The following CACNA1E variants were observed in gnomAD, a reference collection of about 807,000 sequenced individuals.
CACNA1E encodes calcium voltage-gated channel subunit alpha1 E, also known as voltage-dependent R-type calcium channel subunit alpha-1E.
A neutral mutation model predicts 259.2 loss-of-function variants in CACNA1E; 40 were observed. The observed-to-expected ratio is 0.15, with a 90% CI of 0.12 to 0.20. The LOEUF is 0.20. CACNA1E is among the 10% of genes least tolerant of loss of function. The pLI, the probability that CACNA1E is intolerant of heterozygous loss-of-function variation, is 1.00. For missense variants in CACNA1E, 1,874 were observed against 3,040.1 expected, an observed-to-expected ratio of 0.62 and a Z score of 9.02; for synonymous variants, 1,104 against 1,138.5, an observed-to-expected ratio of 0.97 and a Z score of 0.61.
In CACNA1E at chr1:181,752,136, C is replaced by A; in HGVS notation, c.3732-7C>A. On this transcript the variant is annotated splice_region_variant and splice_polypyrimidine_tract_variant and intron_variant, in intron 26 of 47. Coordinates refer to ENST00000367573, the MANE Select transcript of CACNA1E (RefSeq NM_001205293.3). ...CATATGATTCCCTGGGGGCCTCTCC[C>A]CTGCAGAACCAACAAAGGACGGGAC... 1 of 1,606,334 alleles carries A rather than the reference C, an allele frequency of 6.2e-7. No homozygotes were observed. Among genetic ancestry groups the A allele is most frequent in the Non-Finnish European group, 8.5e-7 (1 of 1,172,868 alleles).
At chr1:181,409,155 A>G (rs1405803944) in intron 1 of CACNA1E, among the ~76,000 whole-genome samples, 2 of 152,220 alleles carry the variant, frequency 1.3e-5, no homozygotes, top group African/African-American at 4.8e-5. Flanking sequence ...TCATGCTACA[A>G]CAGCAGCGTT....
At chr1:181,435,787 C>T (rs530938250) in intron 2 of CACNA1E, among the ~76,000 whole-genome samples, 110 of 152,236 alleles carry the variant, frequency 7.2e-4, no homozygotes, top group Middle Eastern at 6.8e-3. Flanking sequence ...TGGCTTTTTT[C>T]AGCTTAATGA....
rs9662282 is a variant in CACNA1E, at chr1:181,758,880, A to C, written c.4605+12A>C. 4,994 of 1,415,596 alleles carry C rather than the reference A, an allele frequency of 3.5e-3. 89 individuals carry two copies. In the African/African-American group the frequency reaches 0.048, roughly 14 times the overall value. 87.7% of individuals were successfully genotyped at this position (1,415,596 alleles called of 1,614,324 possible). On this transcript the variant is annotated intron_variant, in intron 32 of 47. Coordinates refer to ENST00000367573, the MANE Select transcript of CACNA1E (RefSeq NM_001205293.3). The surrounding 1 kb of genome is among the most constrained non-coding windows in gnomAD (Gnocchi z 4.2). ...CTTTTGGCTTTTTGGTATGTTGCTG[A>C]ATCCTTCCCAGCACTGGGCTTGTCT...
intron 32 of CACNA1E, among the ~76,000 whole-genome samples, chr1:181,760,726 C>T (rs901671023): frequency 6.6e-6 from 1 of 152,082 alleles, no homozygotes; most frequent in Non-Finnish European, 1.5e-5. Flanking sequence ...ATACTTTGGC[C>T]AAGATTAGTA....
chr1:181,761,951 A>G (rs535307258), intron 32 of CACNA1E, among the ~76,000 whole-genome samples: 1 of 152,352 alleles, frequency 6.6e-6, no homozygotes, highest in African/African-American at 2.4e-5. Flanking sequence ...AAGAGTGGAA[A>G]GATGAAGTCT....
intron 1 of CACNA1E, among the ~76,000 whole-genome samples, chr1:181,340,767 C>T (rs1490842757): frequency 6.6e-6 from 1 of 151,964 alleles, no homozygotes; most frequent in African/African-American, 2.4e-5. Flanking sequence ...TATGAGTGTC[C>T]CTCAAGGAAA....
intron 6 of CACNA1E, among the ~76,000 whole-genome samples, chr1:181,630,457 T>A (rs900697462): frequency 6.6e-6 from 1 of 151,592 alleles, no homozygotes; most frequent in Non-Finnish European, 1.5e-5. Context: ...AGAAAACATT[T>A]GTCAATTACT....
At chr1:181,481,074 T>C (rs1159879120), upstream of CACNA1E, among the ~76,000 whole-genome samples, 3 of 152,120 alleles carry the variant, frequency 2.0e-5, no homozygotes. Context: ...TGATGGGACT[T>C]CATGGTTCAC....
chr1:181,419,530 C>T (rs968305980), intron 2 of CACNA1E, among the ~76,000 whole-genome samples: 2 of 152,154 alleles, frequency 1.3e-5, no homozygotes, highest in Non-Finnish European at 2.9e-5. Flanking sequence ...CATCATAGCC[C>T]TTATTGTTTC....
At chr1:181,582,616 G>A (rs988302364) in intron 6 of CACNA1E, among the ~76,000 whole-genome samples, 3 of 152,216 alleles carry the variant, frequency 2.0e-5, no homozygotes, top group African/African-American at 7.2e-5. Flanking sequence ...AAGGAGCACA[G>A]CTGAAGAACC....
rs182457979 is a variant in CACNA1E, at chr1:181,476,769, G to A, written c.435-6975G>A. ...AGGCCGTGGGGGTGGATGGATGGAT[G>A]TGCTCCTGCCGGTTGTTCTCACCCT... On this transcript the variant is annotated intron_variant, in intron 2 of 11. Coordinates refer to the CACNA1E transcript ENST00000524607. 2.1e-3 allele frequency among the ~76,000 whole-genome samples: 320 copies of A among 152,314 alleles called. 1 individual carries two copies. Among genetic ancestry groups the A allele is most frequent in the African/African-American group, 6.6e-3 (273 of 41,558 alleles).
chr1:181,727,769 C>A (rs761393222), intron 18 of CACNA1E, among the ~76,000 whole-genome samples: 9 of 152,146 alleles, frequency 5.9e-5, no homozygotes, highest in Non-Finnish European at 1.2e-4. Flanking sequence ...GGGTCCGAGA[C>A]CCCCAAGGGG....
intron 6 of CACNA1E, among the ~76,000 whole-genome samples, chr1:181,593,082 C>T (rs1652815960): frequency 1.3e-5 from 2 of 152,132 alleles, no homozygotes; most frequent in East Asian, 1.9e-4. Context: ...GTAATGCTGC[C>T]TGCTGTTTCT....
At chr1:181,589,063 T>G (rs922103931) in intron 6 of CACNA1E, among the ~76,000 whole-genome samples, 18 of 152,258 alleles carry the variant, frequency 1.2e-4, no homozygotes, top group Non-Finnish European at 8.8e-5. Context: ...TGGTCCATCT[T>G]GGAATCATCC....
chr1:181,637,926 G>A (rs1657387882), intron 6 of CACNA1E, among the ~76,000 whole-genome samples: 2 of 152,160 alleles, frequency 1.3e-5, no homozygotes, highest in African/African-American at 4.8e-5. Context: ...GCATAGAATT[G>A]CAAGAAGCTG....
chr1:181,652,475 CAA>C (rs1291854949), intron 7 of CACNA1E, among the ~76,000 whole-genome samples: 1 of 152,126 alleles, frequency 6.6e-6, no homozygotes, highest in African/African-American at 2.4e-5. Flanking sequence ...AGAGGAATGA[CAA>C]GAGATGAAAG....
chr1:181,460,713 T>C (rs1446393187), intron 2 of CACNA1E, among the ~76,000 whole-genome samples: 1 of 152,162 alleles, frequency 6.6e-6, no homozygotes, highest in African/African-American at 2.4e-5. Context: ...ACACTTAGAG[T>C]AGTATTTCTT....
In CACNA1E at chr1:181,781,502, TC is replaced by T; in HGVS notation, c.5346del (p.Ser1783ProfsTer10). 1 of 1,582,832 alleles carries T rather than the reference TC, an allele frequency of 6.3e-7. No individual in the cohort carries two copies. The highest frequency in any genetic ancestry group is 1.1e-5 in the South Asian group (1 of 87,710). Reference sequence around the variant, plus strand: ...CTCCGCTAGGCCTCGGCAAGAGATGTCCCTCCAAAGTGGCATATAAGGTAGA... The same window carrying T: ...CTCCGCTAGGCCTCGGCAAGAGATGTCCTCCAAAGTGGCATATAAGGTAGA... ...SPPLGLGKRC[P>X]SKVAYKRLVL... On this transcript the variant is annotated frameshift_variant, in exon 39 of 48. Transcript: ENST00000367573. LOFTEE classifies it high-confidence loss of function.
Position 181,806,361 on chromosome 1 carries a change from C to T in CACNA1E, c.*7527C>T, listed in dbSNP as rs778257371. On this transcript the variant is annotated 3_prime_UTR_variant, in exon 48 of 48. Transcript: ENST00000367573. Reference sequence around the variant, plus strand: ...TACAGGGTCCACACCCTCTGTCCTTCGGGGCCCATGGTCAGGCCATTCCCT... The same window carrying T: ...TACAGGGTCCACACCCTCTGTCCTTTGGGGCCCATGGTCAGGCCATTCCCT... The T allele has an allele frequency of 1.3e-5, 2 of 152,252 alleles. No individual in the cohort carries two copies. The highest frequency in any genetic ancestry group is 2.4e-5 in the African/African-American group (1 of 41,450). 9.4% of individuals were successfully genotyped at this position (152,252 alleles called of 1,614,324 possible).
Sources: allele counts gnomAD v4.1 joint callset (sites outside exome capture counted in the v4.1 genomes callset), GRCh38; gene constraint gnomAD v4.1.1; non-coding constraint Gnocchi (gnomAD v3.1); transcripts MANE v1.5; gene names NCBI Gene and HGNC (gene_info 2026-07-23, HGNC 2026-07-21).